HHATL: variants seen among roughly 807,000 people sequenced by gnomAD.
HHATL encodes the protein protein-cysteine N-palmitoyltransferase HHAT-like protein.
A neutral mutation model predicts 59.7 loss-of-function variants in HHATL; 49 were observed. That is an observed-to-expected ratio of 0.82 (90% CI 0.65 to 1.04). The LOEUF is 1.04. Among genes scored for constraint, HHATL ranks in the 50% least tolerant of loss-of-function variants. HHATL has a pLI of 0.00. For missense variants in HHATL, 605 were observed against 650.8 expected (o/e 0.93, Z 0.77); for synonymous variants, 238 against 257.3 (o/e 0.93, Z 0.72).
chr3:42,692,920 C>T, intron 11 of HHATL, 45 bp from the exon 12 acceptor site: 1 of 1,601,042 alleles, frequency 6.2e-7, no homozygotes, highest in Non-Finnish European at 8.6e-7. Flanking sequence ...AGCACTGCAT[C>T]CTCAGCGACT....
chr3:42,693,440 A>T (rs1697443282), intron 10 of HHATL, 177 bp downstream of exon 10: 2 of 752,650 alleles, frequency 2.7e-6, no homozygotes, highest in Non-Finnish European at 4.3e-6. Context: ...TCCATTCCTC[A>T]TAGAAGGGAG....
intron 10 of HHATL, 175 bp from the exon 11 acceptor site, chr3:42,693,393 A>G (rs1465905974): frequency 1.1e-6 from 1 of 871,218 alleles, no homozygotes; most frequent in Non-Finnish European, 1.7e-6. Context: ...GTCCAGAGAG[A>G]GGACAAGGCC....
Position 42,697,630 on chromosome 3 carries a change from C to T in HHATL, c.743G>A (p.Arg248Gln), listed in dbSNP as rs138073107. ...VRREGELWHI[R>Q]AQAGLSVVAI... is the part of the protein sequence containing the mutation. ...CACCACGCTTAGGCCTGCCTGGGCT[C>T]GGATGTGCCACAGCTCACCCTCGCG... The change falls in exon 7 of 12, where the codon CGA (arginine) becomes CAA (glutamine). Residue 248 changes from arginine to glutamine, a missense_variant. Transcript: ENST00000441594. 3.2e-5 allele frequency: 52 copies of T among 1,614,094 alleles called. No homozygotes were observed. Among genetic ancestry groups the T allele is most frequent in the Middle Eastern group, 1.7e-4 (1 of 6,060 alleles).
At position 42,698,919 on chromosome 3, in the gene HHATL, G is replaced by A. The variant is rs773812644; in HGVS notation, c.289-17C>T. 8.1e-6 allele frequency: 13 copies of A among 1,603,830 alleles called. No homozygotes were observed. The East Asian group carries it at 1.1e-4, about 14-fold the overall frequency. ...GGAGCGGAGCTGTGGGCAGGGAGAA[G>A]GCTTCAGTTTCGCCATATAAATGGG... On this transcript the variant is annotated splice_polypyrimidine_tract_variant and intron_variant, in intron 4 of 11. Transcript: ENST00000441594.
At position 42,692,879 on chromosome 3, in the gene HHATL, T is replaced by G. The variant is rs1208279461; in HGVS notation, c.1391-4A>C. On this transcript the variant is annotated splice_region_variant and splice_polypyrimidine_tract_variant and intron_variant, in intron 11 of 11. Coordinates refer to ENST00000441594, the MANE Select transcript of HHATL (RefSeq NM_020707.4). The stretch of plus-strand genomic sequence containing the variant: ...GACAGCGTGGTCTGGGGGAACCCTG[T>G]GTGGGGAGGGAGTCATAGATGCTCA... 2 of 1,613,994 alleles carry G rather than the reference T, an allele frequency of 1.2e-6. No homozygotes were observed. The highest frequency in any genetic ancestry group is 8.5e-7 in the Non-Finnish European group (1 of 1,179,868).
Position 42,698,828 on chromosome 3 carries a change from C to T in HHATL, c.363G>A (p.Leu121=). The change falls in exon 5 of 12, where the codon CTG becomes CTA. Residue 121 remains leucine (L), a synonymous_variant. Coordinates refer to ENST00000441594, the MANE Select transcript of HHATL (RefSeq NM_020707.4). ...MGTMGPWYLL[L]LLGHCVGLYV... is the part of the protein sequence containing the mutation. ...AGAGGCCCACACAGTGACCAAGCAG[C>T]AGCAGCAGGTACCAAGGGCCCATTG... is the stretch of plus-strand genomic sequence containing the variant. 3 of 1,613,890 alleles carry T rather than the reference C, an allele frequency of 1.9e-6. No homozygotes were observed. The highest frequency in any genetic ancestry group is 2.5e-6 in the Non-Finnish European group (3 of 1,179,918).
chr3:42,697,859 A>C (rs1343112113), intron 6 of HHATL, among the ~76,000 whole-genome samples, 180 bp from the exon 7 acceptor site: 1 of 152,016 alleles, frequency 6.6e-6, no homozygotes, highest in Non-Finnish European at 1.5e-5. Context: ...GCCATGGGAG[A>C]CCCAGTTCTG....
Position 42,699,754 on chromosome 3 carries a change from C to A in HHATL, c.174+4G>T. 1 of 1,577,120 alleles carries A rather than the reference C, an allele frequency of 6.3e-7. No homozygotes were observed. Among genetic ancestry groups the A allele is most frequent in the South Asian group, 1.2e-5 (1 of 85,928 alleles). ...GGAGGGACCCTGGGATGTGGGGGAC[C>A]TACCATCTTCCGGCCAATGTACTCC... On this transcript the variant is annotated splice_donor_region_variant and intron_variant, in intron 3 of 11. Coordinates refer to ENST00000441594, the MANE Select transcript of HHATL (RefSeq NM_020707.4).
chr3:42,699,116 C>A lies in HHATL; in HGVS notation c.204G>T (p.Trp68Cys). 1.2e-6 allele frequency: 2 copies of A among 1,613,966 alleles called. No individual in the cohort carries two copies. Among genetic ancestry groups the A allele is most frequent in the Admixed American group, 1.7e-5 (1 of 60,010 alleles). Reference sequence around the variant, plus strand: ...TGATGACGTTGCGAAAGGAGGTGAACCACATCACCCACTCGAAGTCAGCCA... The same window carrying A: ...TGATGACGTTGCGAAAGGAGGTGAAACACATCACCCACTCGAAGTCAGCCA... ...MDVADFEWVM[W>C]FTSFRNVIIF... Residue 68 changes from tryptophan (W) to cysteine (C), a missense_variant, in exon 4 of 12, where the codon TGG becomes TGT. Coordinates refer to ENST00000441594, the MANE Select transcript of HHATL (RefSeq NM_020707.4).
chr3:42,697,704 G>A, intron 6 of HHATL, 25 bp from the exon 7 acceptor site: 2 of 1,605,768 alleles, frequency 1.2e-6, no homozygotes, highest in Middle Eastern at 1.7e-4. Context: ...AGGGTCTGAG[G>A]GAAGAGGCAA....
chr3:42,698,211 G>C lies in HHATL; in HGVS notation c.624C>G (p.Leu208=), dbSNP rs1470331169. The C allele has an allele frequency of 3.1e-6, 5 of 1,614,230 alleles. No homozygotes were observed. The highest frequency in any genetic ancestry group is 2.2e-5 in the South Asian group (2 of 91,088). Residue 208 remains leucine (L), a synonymous_variant, in exon 6 of 12, where the codon CTC becomes CTG. Transcript: ENST00000441594. ...PDRHYSLADL[L]KYNFYLPFFF... ...AGAAGGGCAGGTAGAAGTTGTACTT[G>C]AGCAGGTCAGCTAAGGAGTAGTGGC...
rs150455507 is a variant in HHATL, at chr3:42,693,095, G to C, written c.1372C>G (p.Arg458Gly). The change falls in exon 11 of 12, where the codon CGG becomes GGG. Residue 458 changes from arginine to glycine, a missense_variant. Physicochemically the swap from Arg to Gly is moderately radical, Grantham distance 125 (BLOSUM62 -2). Transcript: ENST00000441594. The stretch of plus-strand genomic sequence containing the variant: ...CCCTCACCTGTGAGTAGCAGGCGCC[G>C]GGCAACCAGCTCTGTGAATTTGAGG... ...NSLKFTELVA[R>G]RLLLTGFPQT... The C allele has an allele frequency of 2.2e-3, 3,486 of 1,614,126 alleles. 11 individuals carry two copies. The highest frequency in any genetic ancestry group is 2.4e-3 in the Non-Finnish European group (2,880 of 1,180,006).
At position 42,697,645 on chromosome 3, in the gene HHATL, T is replaced by A. The variant is rs1288816323; in HGVS notation, c.728A>T (p.Glu243Val). The change falls in exon 7 of 12, where the codon GAG becomes GTG. Residue 243 changes from glutamate (E) to valine (V), a missense_variant. Coordinates refer to ENST00000441594, the MANE Select transcript of HHATL (RefSeq NM_020707.4). ...SQVEPVRREG[E>V]LWHIRAQAGL... The stretch of plus-strand genomic sequence containing the variant: ...TGCCTGGGCTCGGATGTGCCACAGC[T>A]CACCCTCGCGTCTCACTGGCTCCAC... 1 of 1,613,850 alleles carries A rather than the reference T, an allele frequency of 6.2e-7. No homozygotes were observed. The highest frequency in any genetic ancestry group is 1.7e-5 in the Admixed American group (1 of 59,986).
rs762289236 is a variant in HHATL, at chr3:42,699,097, C to T, written c.223G>A (p.Val75Ile). The change falls in exon 4 of 12, where the codon GTC (valine) becomes ATC (isoleucine). Residue 75 changes from valine to isoleucine, a missense_variant. Coordinates refer to ENST00000441594, the MANE Select transcript of HHATL (RefSeq NM_020707.4). ...TGTCCGGAGAGGGCAAAGATGATGACGTTGCGAAAGGAGGTGAACCACATC... is the reference window on the plus strand; with the variant it reads ...TGTCCGGAGAGGGCAAAGATGATGATGTTGCGAAAGGAGGTGAACCACATC... ...WVMWFTSFRN[V>I]IIFALSGHVL... The T allele has an allele frequency of 1.8e-5, 29 of 1,614,026 alleles. No individual in the cohort carries two copies. In the Admixed American group the frequency reaches 2.3e-4, roughly 13 times the overall value.
intron 10 of HHATL, 122 bp from the exon 11 acceptor site, chr3:42,693,340 G>A (rs1697439099): frequency 9.4e-6 from 12 of 1,270,198 alleles, no homozygotes; most frequent in Non-Finnish European, 1.2e-5. Flanking sequence ...GTCTCGGAGA[G>A]CCCCAGGTCA....
chr3:42,700,080 CTGTG>C (rs138596367), intron 2 of HHATL, among the ~76,000 whole-genome samples: 22 of 129,270 alleles, frequency 1.7e-4, no homozygotes, highest in Admixed American at 9.8e-4. Context: ...GTCCAGGTCT[CTGTG>C]TGTGTGTGTG....
intron 7 of HHATL, 98 bp from the exon 8 acceptor site, chr3:42,697,243 C>T (rs1697666933): frequency 7.0e-7 from 1 of 1,429,346 alleles, no homozygotes; most frequent in Non-Finnish European, 9.4e-7. Flanking sequence ...ACACCAGGCT[C>T]TGCCCGCCCC....
chr3:42,702,092 G>A (rs1490475008), intron 1 of HHATL, among the ~76,000 whole-genome samples: 1 of 152,206 alleles, frequency 6.6e-6, no homozygotes, highest in African/African-American at 2.4e-5. Context: ...ACCCCCCTCT[G>A]GAATCTGGGG....
rs140686107 is a variant in HHATL, at chr3:42,697,610, C to G, written c.763G>C (p.Val255Leu). The change falls in exon 7 of 12, where the codon GTG becomes CTG. Residue 255 changes from valine (V) to leucine (L), a missense_variant. Physicochemically the swap from Val to Leu is conservative, Grantham distance 32. Transcript: ENST00000441594. ...ATGTCGACGGCCATGATGGCCACCA[C>G]GCTTAGGCCTGCCTGGGCTCGGATG... ...WHIRAQAGLS[V>L]VAIMAVDIFF... is the part of the protein sequence containing the mutation. The G allele has an allele frequency of 6.2e-7, 1 of 1,614,142 alleles. No individual in the cohort carries two copies. Among genetic ancestry groups the G allele is most frequent in the East Asian group, 2.2e-5 (1 of 44,862 alleles).
Sources: allele counts gnomAD v4.1 joint callset (sites outside exome capture counted in the v4.1 genomes callset), GRCh38; gene constraint gnomAD v4.1.1; transcripts MANE v1.5; gene names NCBI Gene and HGNC (gene_info 2026-07-23, HGNC 2026-07-21).